Variants in CFAP44 observed in about 807,000 individuals in gnomAD.
CFAP44 encodes the protein cilia- and flagella-associated protein 44.
A neutral mutation model predicts 216.2 loss-of-function variants in CFAP44; 134 were observed. That is an observed-to-expected ratio of 0.62 (90% confidence interval 0.54 to 0.72). The LOEUF is 0.72. Ranked by LOEUF, CFAP44 falls within the 30% of genes least tolerant of loss-of-function variation. The pLI, the probability that CFAP44 is intolerant of heterozygous loss-of-function variation, is 0.00. For missense variants in CFAP44, 2,035 were observed against 2,182.1 expected, an observed-to-expected ratio of 0.93 and a Z score of 1.34; for synonymous variants, 700 against 727.6, an observed-to-expected ratio of 0.96 and a Z score of 0.61.
chr3:113,402,962 G>A (rs1934182192), intron 9 of CFAP44, among the ~76,000 whole-genome samples: 1 of 152,044 alleles, frequency 6.6e-6, no homozygotes, highest in Non-Finnish European at 1.5e-5. Flanking sequence ...ATTTAATATT[G>A]TAAATGTAAA....
At chr3:113,436,465 A>G (rs1057414224) in intron 1 of CFAP44, among the ~76,000 whole-genome samples, 28 of 152,214 alleles carry the variant, frequency 1.8e-4, no homozygotes, top group African/African-American at 6.8e-4. Flanking sequence ...CCCTCACCTC[A>G]ATGTATAATT....
intron 28 of CFAP44, among the ~76,000 whole-genome samples, chr3:113,321,089 A>G (rs943108389): frequency 6.6e-6 from 1 of 152,204 alleles, no homozygotes; most frequent in Non-Finnish European, 1.5e-5. Flanking sequence ...CTTCAGGCTA[A>G]TATCTCTGAT....
At chr3:113,364,839 T>C (rs558285874) in intron 19 of CFAP44, among the ~76,000 whole-genome samples, 2 of 152,146 alleles carry the variant, frequency 1.3e-5, no homozygotes, top group Non-Finnish European at 2.9e-5. Flanking sequence ...GCATCTGTAC[T>C]TCTAGGGCTC....
chr3:113,355,932 T>C (rs1331909621), intron 22 of CFAP44, among the ~76,000 whole-genome samples: 1 of 151,612 alleles, frequency 6.6e-6, no homozygotes, highest in Non-Finnish European at 1.5e-5. Context: ...TGCACAGAAA[T>C]GATGCAGATA....
rs1217927062 is a variant in CFAP44, at chr3:113,373,368, A to C, written c.2444+43T>G. The C allele has an allele frequency of 2.1e-6, 3 of 1,450,526 alleles. No homozygotes were observed. The East Asian group carries it at 7.7e-5, about 37-fold the overall frequency. The allele number at this position is 1,450,526 out of a possible 1,614,324, so 89.9% of individuals were successfully genotyped here. ...CATGATGAACAAAAGCATAGACACTAACAGGATATGGTTTTTTTAAAGCTT... is the reference window on the plus strand; with the variant it reads ...CATGATGAACAAAAGCATAGACACTCACAGGATATGGTTTTTTTAAAGCTT... On this transcript the variant is annotated intron_variant, in intron 18 of 34. Coordinates refer to ENST00000393845, the MANE Select transcript of CFAP44 (RefSeq NM_001164496.2).
intron 18 of CFAP44, among the ~76,000 whole-genome samples, chr3:113,366,762 C>T (rs1932945139): frequency 1.3e-5 from 2 of 152,194 alleles, no homozygotes; most frequent in Admixed American, 1.3e-4. Context: ...CAGGGTGTTG[C>T]CTCACCTGGG....
chr3:113,335,655 G>A (rs924142955), intron 24 of CFAP44, among the ~76,000 whole-genome samples: 1 of 152,136 alleles, frequency 6.6e-6, no homozygotes, highest in Non-Finnish European at 1.5e-5. Flanking sequence ...GAGTACAGAG[G>A]ACATTCAAGA....
chr3:113,407,199 G>A (rs901347711), intron 7 of CFAP44, among the ~76,000 whole-genome samples, 158 bp from the exon 8 acceptor site: 11 of 151,992 alleles, frequency 7.2e-5, no homozygotes, highest in African/African-American at 2.2e-4. Flanking sequence ...CTACCTGCCC[G>A]GCAAGGTTGT....
chr3:113,386,079 CT>C (rs1933642905), intron 15 of CFAP44, among the ~76,000 whole-genome samples: 1 of 152,100 alleles, frequency 6.6e-6, no homozygotes, highest in African/African-American at 2.4e-5. Context: ...TTTAGGTGCT[CT>C]GAGGTGGGAT....
chr3:113,401,886 AGC>A, intron 9 of CFAP44, 147 bp from the exon 10 acceptor site: 1 of 809,542 alleles, frequency 1.2e-6, no homozygotes. Context: ...TAAGAACACC[AGC>A]CAAAACCTGA....
At chr3:113,363,554 GT>G (rs771202902) in intron 19 of CFAP44, 22 bp from the exon 20 acceptor site, 8 of 1,575,122 alleles carry the variant, frequency 5.1e-6, no homozygotes, top group Non-Finnish European at 6.9e-6. Context: ...GAAGTAAAAG[GT>G]TAGCCCTTTA....
intron 28 of CFAP44, among the ~76,000 whole-genome samples, chr3:113,325,850 G>C (rs1425535367): frequency 6.6e-6 from 1 of 152,158 alleles, no homozygotes; most frequent in African/African-American, 2.4e-5. Flanking sequence ...TAGTATTGGT[G>C]AAAATATTGA....
intron 28 of CFAP44, among the ~76,000 whole-genome samples, chr3:113,312,478 G>A (rs904082669): frequency 3.9e-5 from 6 of 152,116 alleles, no homozygotes; most frequent in African/African-American, 1.4e-4. Context: ...ATTTTCTGAG[G>A]AGAAATTCAA....
At chr3:113,405,148 CT>C (rs1934243755) in intron 8 of CFAP44, among the ~76,000 whole-genome samples, 1 of 152,146 alleles carries the variant, frequency 6.6e-6, no homozygotes, top group Non-Finnish European at 1.5e-5. Flanking sequence ...CCATTTCCCC[CT>C]TATCTAGAGA....
intron 2 of CFAP44, 96 bp from the exon 3 acceptor site, chr3:113,427,435 T>A: frequency 2.4e-6 from 2 of 844,004 alleles, no homozygotes; most frequent in Non-Finnish European, 3.6e-6. Flanking sequence ...GCTATAGATG[T>A]AATAAATCTA....
intron 9 of CFAP44, 99 bp from the exon 10 acceptor site, chr3:113,401,838 C>A (rs1039705783): frequency 1.8e-5 from 23 of 1,278,778 alleles, no homozygotes; most frequent in East Asian, 5.1e-5. Context: ...AAAGTCATTT[C>A]TTTTTCTTTC....
chr3:113,294,668 C>A lies in CFAP44; in HGVS notation c.5373+19G>T. On this transcript the variant is annotated intron_variant, in intron 34 of 34. Transcript: ENST00000393845. ...AGCTTCCTCAATTCCGAAAAAGGGT[C>A]TGAAGGTAAAGAACATACCTGCTGA... 6.6e-7 allele frequency: 1 copy of A among 1,505,332 alleles called. No individual in the cohort carries two copies. The highest frequency in any genetic ancestry group is 1.3e-5 in the South Asian group (1 of 77,090). The allele number at this position is 1,505,332 out of a possible 1,614,324, so 93.2% of individuals were successfully genotyped here.
At chr3:113,293,140 T>TA (rs1008291517) in intron 34 of CFAP44, among the ~76,000 whole-genome samples, 3 of 152,242 alleles carry the variant, frequency 2.0e-5, no homozygotes, top group African/African-American at 4.8e-5. Flanking sequence ...GCATGCCTCA[T>TA]ACACCAACTC....
intron 18 of CFAP44, among the ~76,000 whole-genome samples, chr3:113,368,910 T>C (rs1431723266): frequency 6.6e-6 from 1 of 151,798 alleles, no homozygotes; most frequent in African/African-American, 2.4e-5. Flanking sequence ...ACCAAGCAAA[T>C]GGAAAGCAAA....
Sources: allele counts gnomAD v4.1 joint callset (sites outside exome capture counted in the v4.1 genomes callset), GRCh38; gene constraint gnomAD v4.1.1; transcripts MANE v1.5; gene names NCBI Gene and HGNC (gene_info 2026-07-23, HGNC 2026-07-21).